The following POLR3B variants were observed in gnomAD, a reference collection of about 807,000 sequenced individuals.
POLR3B encodes DNA-directed RNA polymerase III subunit RPC2.
A neutral mutation model predicts 147.4 loss-of-function variants in POLR3B; 96 were observed. The ratio of observed to expected loss-of-function variants is 0.65; its 90% CI spans 0.55 to 0.77. POLR3B has a LOEUF of 0.77. Among genes scored for constraint, POLR3B ranks in the 30% least tolerant of loss-of-function variants. The pLI, the probability that POLR3B is intolerant of heterozygous loss-of-function variation, is 0.00. For synonymous variants in POLR3B, 461 were observed against 485.9 expected, an observed-to-expected ratio of 0.95 and a Z score of 0.67; for missense variants, 1,036 against 1,413.5, an observed-to-expected ratio of 0.73 and a Z score of 4.28.
At chr12:106,359,584 C>T (rs1250125263) in intron 1 of POLR3B, among the ~76,000 whole-genome samples, 4 of 152,146 alleles carry the variant, frequency 2.6e-5, no homozygotes, top group Non-Finnish European at 5.9e-5. Context: ...CCGCCTCGGC[C>T]TCCCAACGTG....
intron 6 of POLR3B, among the ~76,000 whole-genome samples, chr12:106,374,285 T>C (rs1278985701): frequency 1.3e-5 from 2 of 152,148 alleles, no homozygotes; most frequent in Non-Finnish European, 2.9e-5. Flanking sequence ...GGTACACTCA[T>C]GGCTCACTGC....
intron 23 of POLR3B, among the ~76,000 whole-genome samples, chr12:106,489,279 T>C (rs2038379368): frequency 6.6e-6 from 1 of 152,252 alleles, no homozygotes; most frequent in African/African-American, 2.4e-5. Flanking sequence ...TGAAGTCAAC[T>C]TTTGTTTTAC....
intron 23 of POLR3B, among the ~76,000 whole-genome samples, chr12:106,493,628 A>G (rs1370214584): frequency 6.6e-6 from 1 of 152,254 alleles, no homozygotes; most frequent in African/African-American, 2.4e-5. Flanking sequence ...TCAGCGGACC[A>G]GAATAAGTTA....
At chr12:106,401,002 A>G (rs998009096) in intron 10 of POLR3B, among the ~76,000 whole-genome samples, 29 of 152,348 alleles carry the variant, frequency 1.9e-4, no homozygotes, top group Admixed American at 3.9e-4. Context: ...AAATAGAGAC[A>G]CAAAAAACCC....
intron 26 of POLR3B, among the ~76,000 whole-genome samples, chr12:106,503,766 G>T (rs938301388): frequency 6.6e-6 from 1 of 152,150 alleles, no homozygotes; most frequent in Non-Finnish European, 1.5e-5. Context: ...GATAGTGATG[G>T]TAATAGTAAT....
intron 12 of POLR3B, among the ~76,000 whole-genome samples, chr12:106,414,251 G>T (rs2037271417): frequency 1.3e-5 from 2 of 148,566 alleles, no homozygotes; most frequent in Admixed American, 1.4e-4. Flanking sequence ...ATTCCAATCA[G>T]TGAAATATAG....
chr12:106,441,123 A>C (rs1445378887), intron 18 of POLR3B, among the ~76,000 whole-genome samples: 3 of 152,052 alleles, frequency 2.0e-5, no homozygotes, highest in Non-Finnish European at 4.4e-5. Context: ...TACACACATG[A>C]TTCCACACAA....
intron 1 of POLR3B, among the ~76,000 whole-genome samples, chr12:106,362,965 T>A (rs1158361885): frequency 1.3e-5 from 2 of 152,172 alleles, no homozygotes; most frequent in Non-Finnish European, 2.9e-5. Flanking sequence ...ACCTTTTGAT[T>A]TCCGTCATCA....
Position 106,433,873 on chromosome 12 carries a change from GTA to G in POLR3B, c.1781+7_1781+8del, listed in dbSNP as rs771365070. The G allele has an allele frequency of 6.2e-7, 1 of 1,611,412 alleles. No homozygotes were observed. The highest frequency in any genetic ancestry group is 1.1e-5 in the South Asian group (1 of 90,974). On this transcript the variant is annotated splice_donor_variant and splice_donor_region_variant and intron_variant, in intron 16 of 27. Transcript: ENST00000228347. LOFTEE classifies it high-confidence loss of function. ...CTTCTGATGGGGGAAGGCTATGCAG[GTA>G]TATATGCAGGTTACTAAAAAGAGTT... is the stretch of plus-strand genomic sequence containing the variant.
chr12:106,401,330 C>G (rs964823308), intron 10 of POLR3B, among the ~76,000 whole-genome samples: 1 of 152,116 alleles, frequency 6.6e-6, no homozygotes, highest in African/African-American at 2.4e-5. Flanking sequence ...AGGCAATAAT[C>G]AATAGCTTAC....
rs1565909618 is a variant in POLR3B at position 106,478,573 on chromosome 12, A to ATAGT, written c.2713+14954_2713+14957dup. 7.9e-5 allele frequency among the ~76,000 whole-genome samples: 12 copies of ATAGT among 152,088 alleles called. No homozygotes were observed. In the South Asian group the frequency reaches 2.5e-3, roughly 32 times the overall value. On this transcript the variant is annotated intron_variant, in intron 23 of 27. Transcript: ENST00000228347. ...CTTCTGATTAGCCTAGATTCCCTTG[A>ATAGT]TAGTCCCTTCTCTTACAGCTTCATC...
At chr12:106,509,253 T>A (rs1302612166) in intron 27 of POLR3B, among the ~76,000 whole-genome samples, 167 bp from the exon 28 acceptor site, 1 of 152,212 alleles carries the variant, frequency 6.6e-6, no homozygotes, top group East Asian at 1.9e-4. Flanking sequence ...GTTTCTTTTT[T>A]TCTGGGCACA....
intron 23 of POLR3B, among the ~76,000 whole-genome samples, chr12:106,490,620 G>A (rs555027954): frequency 6.6e-6 from 1 of 152,256 alleles, no homozygotes; most frequent in African/African-American, 2.4e-5. Context: ...AACAGTTTTT[G>A]TCTACTCCCC....
chr12:106,459,305 C>T lies in POLR3B; in HGVS notation c.2507C>T (p.Thr836Ile). The T allele has an allele frequency of 1.2e-6, 2 of 1,610,922 alleles. No homozygotes were observed. Among genetic ancestry groups the T allele is most frequent in the South Asian group, 1.1e-5 (1 of 91,030 alleles). The part of the protein sequence containing the change: ...VLVNKSMPTV[T>I]QIPLEGSNVP... ...GTAAATAAGTCCATGCCCACAGTGA[C>T]TCAGATTCCTTTGGAAGGAAGTAAT... Residue 836 changes from threonine (T) to isoleucine (I), a missense_variant, in exon 22 of 28, where the codon ACT (threonine) becomes ATT (isoleucine). Thr to Ile is a moderately conservative substitution (Grantham distance 89). Coordinates refer to ENST00000228347, the MANE Select transcript of POLR3B (RefSeq NM_018082.6).
At chr12:106,494,019 AT>A in intron 23 of POLR3B, among the ~76,000 whole-genome samples, 2 of 152,044 alleles carry the variant, frequency 1.3e-5, no homozygotes, top group African/African-American at 2.4e-5. Context: ...GCTTATGTGT[AT>A]TTTTTTTAAC....
intron 23 of POLR3B, among the ~76,000 whole-genome samples, chr12:106,465,932 T>C (rs1402998312): frequency 6.6e-6 from 1 of 152,208 alleles, no homozygotes; most frequent in Non-Finnish European, 1.5e-5. Flanking sequence ...TACGTGTGCA[T>C]GTGTCTTTAT....
intron 12 of POLR3B, among the ~76,000 whole-genome samples, 196 bp from the exon 13 acceptor site, chr12:106,427,001 A>C (rs1565892907): frequency 6.6e-6 from 1 of 152,118 alleles, no homozygotes; most frequent in Non-Finnish European, 1.5e-5. Context: ...GCTCTCGTTT[A>C]AATGCCTAGC....
chr12:106,393,090 G>T lies in POLR3B; in HGVS notation c.783G>T (p.Val261=). The change falls in exon 10 of 28, where the codon GTG becomes GTT. Residue 261 remains valine (V), a synonymous_variant. Coordinates refer to ENST00000228347, the MANE Select transcript of POLR3B (RefSeq NM_018082.6). ...IVQMIGTEEH[V]MAAFGPSLEE... The stretch of plus-strand genomic sequence containing the variant: ...AGATGATTGGAACAGAGGAGCACGT[G>T]ATGGCTGCATTTGGGCCCAGTCTGG... 1 of 1,614,208 alleles carries T rather than the reference G, an allele frequency of 6.2e-7. No individual in the cohort carries two copies. The highest frequency in any genetic ancestry group is 8.5e-7 in the Non-Finnish European group (1 of 1,180,022).
chr12:106,366,506 A>G lies in POLR3B; in HGVS notation c.106-10A>G, dbSNP rs759803178. 3.8e-6 allele frequency: 6 copies of G among 1,594,246 alleles called. No individual in the cohort carries two copies. Among genetic ancestry groups the G allele is most frequent in the Non-Finnish European group, 3.4e-6 (4 of 1,163,294 alleles). The stretch of plus-strand genomic sequence containing the variant: ...GCTAACCTGTTTACTTTCTCTTTCT[A>G]TCTGTTTAGGTGAAAGGCCTTGTGA... On this transcript the variant is annotated splice_polypyrimidine_tract_variant and intron_variant, in intron 2 of 27. Coordinates refer to ENST00000228347, the MANE Select transcript of POLR3B (RefSeq NM_018082.6).
Sources: allele counts gnomAD v4.1 joint callset (sites outside exome capture counted in the v4.1 genomes callset), GRCh38; gene constraint gnomAD v4.1.1; transcripts MANE v1.5; gene names NCBI Gene and HGNC (gene_info 2026-07-23, HGNC 2026-07-21).